The following OSBPL9 variants were observed in gnomAD, a reference collection of about 807,000 sequenced individuals.
OSBPL9 encodes oxysterol binding protein like 9, also known as oxysterol-binding protein-related protein 9.
In OSBPL9, 40 loss-of-function variants were observed where a neutral mutation model predicts 106.6. The observed-to-expected ratio is 0.38, with a 90% confidence interval of 0.29 to 0.49. The LOEUF is 0.49. OSBPL9 is among the 20% of genes least tolerant of loss of function. OSBPL9 has a pLI of 0.97. For missense variants in OSBPL9, 609 were observed against 887.2 expected, an observed-to-expected ratio of 0.69 and a Z score of 3.98; for synonymous variants, 269 against 295.4, an observed-to-expected ratio of 0.91 and a Z score of 0.92.
chr1:51,760,866 T>C (rs1182717403), intron 10 of OSBPL9, 86 bp downstream of exon 10: 24 of 1,402,874 alleles, frequency 1.7e-5, no homozygotes, highest in East Asian at 4.7e-5. Context: ...TATTACTGTT[T>C]ATTTTTGATT....
chr1:51,526,813 C>T, the OSBPL9 span, among the ~76,000 whole-genome samples: 36 of 151,830 alleles, frequency 2.4e-4, no homozygotes, highest in African/African-American at 8.5e-4. Flanking sequence ...GGCGCAATCT[C>T]GGCTCACTGC....
Position 51,599,749 on chromosome 1 carries a change from T to C in OSBPL9, c.-353+1556T>C, listed in dbSNP as rs142432390. The stretch of plus-strand genomic sequence containing the variant: ...TTTTATTCAATCTGTAAGAATATAT[T>C]ATTAATTATTCACTTGTCTTAGTCC... On this transcript the variant is annotated intron_variant, in intron 2 of 25. Transcript: ENST00000371714. Among the ~76,000 whole-genome samples the C allele has an allele frequency of 5.3e-5, 8 of 152,330 alleles. No homozygotes were observed. The East Asian group carries it at 1.5e-3, about 29-fold the overall frequency.
At chr1:51,678,064 TC>T (rs745393753) in intron 3 of OSBPL9, among the ~76,000 whole-genome samples, 148 of 151,690 alleles carry the variant, frequency 9.8e-4, no homozygotes, top group Non-Finnish European at 1.6e-3. Flanking sequence ...GTGCCTGTAG[TC>T]CCAGCTACTC....
At chr1:51,535,810 C>T in the OSBPL9 span, among the ~76,000 whole-genome samples, 6 of 152,054 alleles carry the variant, frequency 3.9e-5, no homozygotes. Flanking sequence ...CCCCCCACCC[C>T]GCCGCCCTTG....
chr1:51,546,471 G>T, the OSBPL9 span, among the ~76,000 whole-genome samples: 1 of 152,234 alleles, frequency 6.6e-6, no homozygotes, highest in East Asian at 1.9e-4. Flanking sequence ...GCCGAGGCGG[G>T]TGGATCACGA....
chr1:51,530,602 T>C, the OSBPL9 span, among the ~76,000 whole-genome samples: 1 of 151,244 alleles, frequency 6.6e-6, no homozygotes, highest in Non-Finnish European at 1.5e-5. Flanking sequence ...AAAAAAAAAT[T>C]AGCCAGGCAT....
intron 10 of OSBPL9, 40 bp from the exon 11 acceptor site, chr1:51,761,827 G>C: frequency 7.0e-7 from 1 of 1,424,644 alleles, no homozygotes; most frequent in East Asian, 2.3e-5. Flanking sequence ...TGTGTGTTTG[G>C]CTGTTTCTGT....
At chr1:51,655,402 C>T (rs1315842369) in intron 2 of OSBPL9, among the ~76,000 whole-genome samples, 1 of 152,166 alleles carries the variant, frequency 6.6e-6, no homozygotes, top group Non-Finnish European at 1.5e-5. Flanking sequence ...GCCTAGACCC[C>T]TCCATCTTCA....
At chr1:51,784,153 T>A in intron 18 of OSBPL9, 111 bp from the exon 19 acceptor site, 2 of 1,400,564 alleles carry the variant, frequency 1.4e-6, no homozygotes, top group Non-Finnish European at 2.0e-6. Flanking sequence ...GGGAACTAGA[T>A]AGGTTATCCC....
chr1:51,721,659 A>G (rs1005718479), intron 4 of OSBPL9, among the ~76,000 whole-genome samples: 5 of 152,192 alleles, frequency 3.3e-5, no homozygotes, highest in African/African-American at 1.2e-4. Context: ...CTTTTTGAGC[A>G]TCCATTTTAA....
chr1:51,787,442 C>G lies in OSBPL9; in HGVS notation c.2090C>G (p.Ala697Gly). The G allele has an allele frequency of 6.2e-7, 1 of 1,613,996 alleles. No homozygotes were observed. Among genetic ancestry groups the G allele is most frequent in the Non-Finnish European group, 8.5e-7 (1 of 1,179,908 alleles). ...CACAGGCTTGAAGAAAGACAAAGAG[C>G]AGAAGCCCGAGAAAGGAAGGAGAAG... is the stretch of plus-strand genomic sequence containing the variant. The part of the protein sequence containing the change: ...AKHRLEERQR[A>G]EARERKEKEI... Residue 697 changes from alanine (A) to glycine (G), a missense_variant, in exon 23 of 24, where the codon GCA becomes GGA. Physicochemically the swap from Ala to Gly is moderately conservative, Grantham distance 60 (BLOSUM62 0). Around this residue, in one of 5 missense-constraint regions of OSBPL9, gnomAD observed 132 missense variants for 158.1 expected, o/e 0.83. Coordinates refer to ENST00000428468, the MANE Select transcript of OSBPL9 (RefSeq NM_024586.6).
chr1:51,673,959 T>C (rs1650558844), intron 3 of OSBPL9, among the ~76,000 whole-genome samples: 1 of 151,716 alleles, frequency 6.6e-6, no homozygotes, highest in South Asian at 2.1e-4. Flanking sequence ...ATTTGGGTAC[T>C]AAGGGTGATG....
intron 1 of OSBPL9, among the ~76,000 whole-genome samples, chr1:51,627,312 T>G (rs1295157885): frequency 6.6e-6 from 1 of 152,200 alleles, no homozygotes; most frequent in Non-Finnish European, 1.5e-5. Context: ...GTTTTTTTTT[T>G]TAATATGGAA....
chr1:51,593,176 T>C (rs1440162872), intron 1 of OSBPL9, among the ~76,000 whole-genome samples: 1 of 151,874 alleles, frequency 6.6e-6, no homozygotes, highest in Non-Finnish European at 1.5e-5. Flanking sequence ...CTTTTCACCA[T>C]GAAGAGGGGG....
intron 3 of OSBPL9, among the ~76,000 whole-genome samples, chr1:51,703,551 A>G (rs150823679): frequency 0.012 from 1,814 of 152,276 alleles, 38 homozygotes; most frequent in African/African-American, 0.042. Context: ...GGCTGAGACA[A>G]TGGGGTCTTC....
chr1:51,683,842 G>A (rs909174427), intron 3 of OSBPL9, among the ~76,000 whole-genome samples: 6 of 151,868 alleles, frequency 4.0e-5, no homozygotes, highest in Non-Finnish European at 4.4e-5. Context: ...TGAACCTGAA[G>A]GACATTATTC....
intron 3 of OSBPL9, among the ~76,000 whole-genome samples, chr1:51,712,037 G>A (rs1286598146): frequency 2.6e-5 from 4 of 152,046 alleles, no homozygotes; most frequent in South Asian, 4.2e-4. Flanking sequence ...CTGCAATCTC[G>A]GCACTTTGGG....
chr1:51,552,949 T>TTTTTTA, the OSBPL9 span, among the ~76,000 whole-genome samples: 1 of 151,914 alleles, frequency 6.6e-6, no homozygotes, highest in South Asian at 2.1e-4. Flanking sequence ...AAGGAAATAC[T>TTTTTTA]AAGTATCAAA....
intron 1 of OSBPL9, among the ~76,000 whole-genome samples, chr1:51,594,493 C>A (rs1193226231): frequency 2.6e-5 from 4 of 151,850 alleles, no homozygotes; most frequent in Non-Finnish European, 5.9e-5. Context: ...CCTTTTTCCT[C>A]CAGGGTTCAC....
Sources: gnomAD v4.1 joint callset for allele counts (sites outside exome capture counted in the v4.1 genomes callset) on GRCh38, gnomAD v4.1.1 for gene constraint, gnomAD v4.1.1 regional missense constraint, MANE v1.5 for transcripts, NCBI Gene and HGNC (gene_info 2026-07-23, HGNC 2026-07-21) for gene names.